Variants in ZNF664 observed in about 807,000 individuals in gnomAD.
ZNF664 encodes zinc finger Organ of Corti 1.
Under a neutral mutation model 18.2 loss-of-function variants are expected in ZNF664, and 10 were observed. That is an observed-to-expected ratio of 0.55 (90% CI 0.34 to 0.93). The LOEUF (loss-of-function observed/expected upper bound fraction) is 0.93. Among genes scored for constraint, ZNF664 ranks in the 40% least tolerant of loss-of-function variants. The pLI is 0.02. For synonymous variants in ZNF664, 119 were observed against 104.2 expected (o/e 1.14, Z -0.86); for missense variants, 193 against 319.0 (o/e 0.61, Z 3.01).
rs2138478472 is a variant in ZNF664, at chr12:124,014,987, A to G, written c.*2057A>G. 6.0e-6 allele frequency: 1 copy of G among 167,248 alleles called. No individual in the cohort carries two copies. Among genetic ancestry groups the G allele is most frequent in the East Asian group, 1.9e-4 (1 of 5,188 alleles). The allele number at this position is 167,248 out of a possible 1,614,324, so 10.4% of individuals were successfully genotyped here. On this transcript the variant is annotated 3_prime_UTR_variant, in exon 5 of 5. Transcript: ENST00000337815. ...AAAGCCCCTTCCAGGCCTGAATTCC[A>G]CAAGTACGATTTACTGTAGTGTCTT... is the stretch of plus-strand genomic sequence containing the variant.
At chr12:124,003,879 A>G (rs535717095) in intron 3 of ZNF664, among the ~76,000 whole-genome samples, 2 of 152,308 alleles carry the variant, frequency 1.3e-5, no homozygotes, top group East Asian at 3.9e-4. Context: ...TGCCCATTTG[A>G]GATGTGTGGT....
intron 3 of ZNF664, among the ~76,000 whole-genome samples, chr12:124,000,225 A>G (rs1390278011): frequency 1.3e-5 from 2 of 151,924 alleles, no homozygotes; most frequent in African/African-American, 2.4e-5. Flanking sequence ...CCTCCAGACA[A>G]CCATCTCACA....
chr12:123,993,697 A>G (rs1956914157), intron 3 of ZNF664, among the ~76,000 whole-genome samples: 1 of 152,068 alleles, frequency 6.6e-6, no homozygotes, highest in Non-Finnish European at 1.5e-5. Flanking sequence ...TACCTAAACA[A>G]CGTTTCCTTT....
chr12:124,005,524 T>TGTGTGTGTGTGTGA (rs137963321), intron 3 of ZNF664, among the ~76,000 whole-genome samples: 82 of 147,344 alleles, frequency 5.6e-4, no homozygotes, highest in African/African-American at 1.5e-3. Flanking sequence ...TGTGTGTGTG[T>TGTGTGTGTGTGTGA]GAGAGATAGG....
intron 2 of ZNF664, among the ~76,000 whole-genome samples, chr12:123,982,502 C>T (rs1243315407): frequency 6.6e-6 from 1 of 152,176 alleles, no homozygotes; most frequent in Non-Finnish European, 1.5e-5. Context: ...CAGGTGGTCA[C>T]TCTGGAAGGC....
intron 3 of ZNF664, among the ~76,000 whole-genome samples, chr12:124,007,443 C>T (rs978468039): frequency 3.3e-5 from 5 of 152,218 alleles, no homozygotes; most frequent in South Asian, 2.1e-4. Flanking sequence ...AAGAGCAGAG[C>T]GCAGTGCTGC....
At chr12:123,996,999 G>GTGGTTTTTTTGTTTCCT (rs1279433510) in intron 3 of ZNF664, among the ~76,000 whole-genome samples, 2 of 152,162 alleles carry the variant, frequency 1.3e-5, no homozygotes, top group East Asian at 3.8e-4. Context: ...GATACTGTTT[G>GTGGTTTTTTTGTTTCCT]TGGTTTTTTT....
intron 2 of ZNF664, among the ~76,000 whole-genome samples, chr12:123,985,691 G>T (rs1331459829): frequency 6.6e-6 from 1 of 152,194 alleles, no homozygotes; most frequent in Non-Finnish European, 1.5e-5. Flanking sequence ...TGAGCGGCCA[G>T]GCGTACAGTT....
rs954776659 is a variant in ZNF664 at position 124,013,550 on chromosome 12, C to G, written c.*620C>G. 1 of 168,854 alleles carries G rather than the reference C, an allele frequency of 5.9e-6. No homozygotes were observed. Among genetic ancestry groups the G allele is most frequent in the Non-Finnish European group, 1.4e-5 (1 of 69,390 alleles). The allele number at this position is 168,854 out of a possible 1,614,324, so 10.5% of individuals were successfully genotyped here. A position where few individuals can be genotyped will look rare whatever the true frequency, so the allele number is the denominator to read the frequency against. ...GACTCATAATTCCCATTCACTTAGCCTATCAGAAAAGTCATTGGCAGACAT... is the reference window on the plus strand; with the variant it reads ...GACTCATAATTCCCATTCACTTAGCGTATCAGAAAAGTCATTGGCAGACAT... On this transcript the variant is annotated 3_prime_UTR_variant, in exon 5 of 5. Transcript: ENST00000337815.
chr12:123,983,202 A>G (rs1458353804), intron 2 of ZNF664, among the ~76,000 whole-genome samples: 1 of 152,222 alleles, frequency 6.6e-6, no homozygotes, highest in Non-Finnish European at 1.5e-5. Context: ...CATGTGGGAG[A>G]GTCACAAGGT....
chr12:124,002,586 A>G lies in ZNF664; in HGVS notation c.-660-8795A>G, dbSNP rs148858175. On this transcript the variant is annotated intron_variant, in intron 3 of 4. Transcript: ENST00000337815. Reference sequence around the variant, plus strand: ...CTTGTAGTGGCCATGGAGAGATGCAAGGGCAGGGCTGGGTTATGTTGTGGA... The same window carrying G: ...CTTGTAGTGGCCATGGAGAGATGCAGGGGCAGGGCTGGGTTATGTTGTGGA... Among the ~76,000 whole-genome samples, 420 of 152,260 alleles carry G rather than the reference A, an allele frequency of 2.8e-3. 6 individuals are homozygous for G. The highest frequency in any genetic ancestry group is 0.026 in the Admixed American group (397 of 15,286).
At chr12:123,988,797 G>A (rs776705587) in intron 3 of ZNF664, among the ~76,000 whole-genome samples, 6 of 151,942 alleles carry the variant, frequency 3.9e-5, no homozygotes, top group Admixed American at 2.6e-4. Context: ...CTCAACTCAA[G>A]AAGGCAACAT....
At chr12:123,979,097 A>T (rs1348831939) in intron 2 of ZNF664, among the ~76,000 whole-genome samples, 1 of 152,248 alleles carries the variant, frequency 6.6e-6, no homozygotes, top group Non-Finnish European at 1.5e-5. Context: ...TAGGTAGGCC[A>T]TTTAGGTAAG....
chr12:123,978,222 A>G (rs902816246), intron 2 of ZNF664, among the ~76,000 whole-genome samples: 2 of 152,206 alleles, frequency 1.3e-5, no homozygotes, highest in Non-Finnish European at 2.9e-5. Context: ...ATGATAAGCT[A>G]AGAGTTAGTA....
In ZNF664 at chr12:123,995,708, C is replaced by T. The variant is rs538494705; in HGVS notation, c.-661+7570C>T. On this transcript the variant is annotated intron_variant, in intron 3 of 4. Coordinates refer to ENST00000337815, the MANE Select transcript of ZNF664 (RefSeq NM_152437.3). Reference sequence around the variant, plus strand: ...AAGGGGACGTGGAGGAACCCAGTAGCGCTGGAGGTTCATAGTTGTAGGAAC... The same window carrying T: ...AAGGGGACGTGGAGGAACCCAGTAGTGCTGGAGGTTCATAGTTGTAGGAAC... 2.6e-5 allele frequency among the ~76,000 whole-genome samples: 4 copies of T among 152,272 alleles called. 1 individual carries two copies. Among genetic ancestry groups the T allele is most frequent in the African/African-American group, 9.6e-5 (4 of 41,570 alleles).
At position 124,014,645 on chromosome 12, in the gene ZNF664, G is replaced by T. The variant is rs112374470; in HGVS notation, c.*1715G>T. 6.0e-6 allele frequency: 1 copy of T among 167,124 alleles called. No individual in the cohort carries two copies. The highest frequency in any genetic ancestry group is 2.4e-5 in the African/African-American group (1 of 41,452). 10.4% of individuals were successfully genotyped at this position (167,124 alleles called of 1,614,324 possible). A position where few individuals can be genotyped will look rare whatever the true frequency, so the allele number is the denominator to read the frequency against. Reference sequence around the variant, plus strand: ...ATCAGGTTAGTGGTGTCTGTCAGCTGTCTAAGAGGTTGGAAAATGAACTAC... The same window carrying T: ...ATCAGGTTAGTGGTGTCTGTCAGCTTTCTAAGAGGTTGGAAAATGAACTAC... On this transcript the variant is annotated 3_prime_UTR_variant, in exon 5 of 5. Transcript: ENST00000337815.
At chr12:123,996,489 A>G (rs1243949660) in intron 3 of ZNF664, among the ~76,000 whole-genome samples, 2 of 152,162 alleles carry the variant, frequency 1.3e-5, no homozygotes, top group African/African-American at 4.8e-5. Context: ...AACAAGCTCA[A>G]ATTTAGCTGT....
At chr12:124,000,153 A>G (rs1956994506) in intron 3 of ZNF664, among the ~76,000 whole-genome samples, 1 of 152,310 alleles carries the variant, frequency 6.6e-6, no homozygotes, top group Middle Eastern at 3.4e-3. Context: ...GGCCAAATCC[A>G]TGCCCACCCT....
intron 3 of ZNF664, among the ~76,000 whole-genome samples, chr12:124,005,524 T>TGTGTGTGTGTGTGTGTGA (rs137963321): frequency 9.5e-5 from 14 of 147,246 alleles, no homozygotes; most frequent in African/African-American, 3.3e-4. Context: ...TGTGTGTGTG[T>TGTGTGTGTGTGTGTGTGA]GAGAGATAGG....
Sources: gnomAD v4.1 joint callset for allele counts (sites outside exome capture counted in the v4.1 genomes callset) on GRCh38, gnomAD v4.1.1 for gene constraint, MANE v1.5 for transcripts, NCBI Gene and HGNC (gene_info 2026-07-23, HGNC 2026-07-21) for gene names.